The following PCSK6 variants were observed in gnomAD, a reference collection of about 807,000 sequenced individuals.
PCSK6 encodes proprotein convertase subtilisin/kexin type 6, also known as paired basic amino acid cleaving enzyme 4.
A neutral mutation model predicts 123.3 loss-of-function variants in PCSK6; 85 were observed. The ratio of observed to expected loss-of-function variants is 0.69; its 90% CI spans 0.58 to 0.83. The LOEUF is 0.83. Ranked by LOEUF, PCSK6 falls within the 40% of genes least tolerant of loss-of-function variation. PCSK6 has a pLI of 0.00. For synonymous variants in PCSK6, 508 were observed against 516.0 expected, an observed-to-expected ratio of 0.98 and a Z score of 0.21; for missense variants, 1,191 against 1,282.3, an observed-to-expected ratio of 0.93 and a Z score of 1.09.
At chr15:101,422,672 G>A (rs1308004923) in intron 6 of PCSK6, among the ~76,000 whole-genome samples, 1 of 151,428 alleles carries the variant, frequency 6.6e-6, no homozygotes, top group Non-Finnish European at 1.5e-5. Flanking sequence ...CCAGGCTGGA[G>A]TGCAGTTGGC....
At position 101,403,709 on chromosome 15, in the gene PCSK6, C is replaced by CTTTA. The variant is rs71287805; in HGVS notation, c.824-5137_824-5134dup. Reference sequence around the variant, plus strand: ...ATTTTTGGATTATTCATGCCATTGCCTTTATTTATTTATTTATTTATTTAT... The same window carrying CTTTA: ...ATTTTTGGATTATTCATGCCATTGCCTTTATTTATTTATTTATTTATTTATTTAT... On this transcript the variant is annotated intron_variant, in intron 6 of 21. Transcript: ENST00000611716. Among the ~76,000 whole-genome samples, 941 of 151,906 alleles carry CTTTA rather than the reference C, an allele frequency of 6.2e-3. 6 individuals carry two copies. Among genetic ancestry groups the CTTTA allele is most frequent in the East Asian group, 0.037 (190 of 5,164 alleles).
At chr15:101,479,109 C>T (rs1036615239) in intron 1 of PCSK6, among the ~76,000 whole-genome samples, 3 of 152,134 alleles carry the variant, frequency 2.0e-5, no homozygotes, top group South Asian at 2.1e-4. Flanking sequence ...GAGGGTCTAG[C>T]GGGGAGAGAG....
At chr15:101,346,596 G>A (rs567043827) in intron 13 of PCSK6, 5 of 387,666 alleles carry the variant, frequency 1.3e-5, no homozygotes, top group African/African-American at 1.0e-4. Context: ...TATCTATTCT[G>A]GGGCGAACCT....
intron 1 of PCSK6, among the ~76,000 whole-genome samples, 185 bp from the exon 2 acceptor site, chr15:101,443,845 C>A (rs577828573): frequency 1.3e-5 from 2 of 152,194 alleles, no homozygotes; most frequent in Non-Finnish European, 2.9e-5. Context: ...AAGGTGGATT[C>A]AGACACTCAT....
intron 6 of PCSK6, among the ~76,000 whole-genome samples, chr15:101,410,479 A>G (rs2042914156): frequency 6.6e-6 from 1 of 152,210 alleles, no homozygotes; most frequent in Non-Finnish European, 1.5e-5. Flanking sequence ...GAAAGGATGA[A>G]TAAGAAGAGG....
intron 6 of PCSK6, among the ~76,000 whole-genome samples, chr15:101,413,618 C>A (rs1468160836): frequency 6.6e-6 from 1 of 150,980 alleles, no homozygotes; most frequent in Non-Finnish European, 1.5e-5. Flanking sequence ...AAACATGGCC[C>A]ACGTTTGACA....
intron 9 of PCSK6, among the ~76,000 whole-genome samples, chr15:101,386,654 C>T (rs1022280356): frequency 1.3e-5 from 2 of 152,360 alleles, no homozygotes; most frequent in South Asian, 4.1e-4. Context: ...GGGACCTCAT[C>T]ATAATCTGTA....
At chr15:101,458,031 C>G (rs990798901) in intron 1 of PCSK6, among the ~76,000 whole-genome samples, 4 of 152,168 alleles carry the variant, frequency 2.6e-5, no homozygotes, top group Non-Finnish European at 4.4e-5. Context: ...GTACGTCCCT[C>G]CAGAGGTGGA....
chr15:101,338,475 CAGG>C (rs1481053188), intron 13 of PCSK6, among the ~76,000 whole-genome samples: 1 of 152,166 alleles, frequency 6.6e-6, no homozygotes, highest in Non-Finnish European at 1.5e-5. Flanking sequence ...CACATGGGTG[CAGG>C]AGAAGCAAGG....
intron 13 of PCSK6, among the ~76,000 whole-genome samples, chr15:101,365,280 AT>A (rs1280113211): frequency 6.6e-6 from 1 of 152,232 alleles, no homozygotes; most frequent in East Asian, 1.9e-4. Context: ...AGAAGAAAAA[AT>A]AAATTGAATT....
chr15:101,413,994 A>AACGTAT (rs1289787486), intron 6 of PCSK6, among the ~76,000 whole-genome samples: 1 of 152,214 alleles, frequency 6.6e-6, no homozygotes, highest in Admixed American at 6.5e-5. Flanking sequence ...AAGGATGGAA[A>AACGTAT]AACGTATACT....
intron 6 of PCSK6, among the ~76,000 whole-genome samples, chr15:101,414,100 C>T (rs909871142): frequency 6.6e-6 from 1 of 152,070 alleles, no homozygotes; most frequent in Non-Finnish European, 1.5e-5. Flanking sequence ...CAAAGAGACG[C>T]CCCTTGTCAG....
At chr15:101,359,284 C>A (rs1472916008) in intron 13 of PCSK6, among the ~76,000 whole-genome samples, 2 of 152,202 alleles carry the variant, frequency 1.3e-5, no homozygotes, top group Non-Finnish European at 2.9e-5. Context: ...CTGGAAGGTA[C>A]CACAAGGTGT....
At chr15:101,309,091 G>A (rs2039792990) in intron 20 of PCSK6, 1 of 152,560 alleles carries the variant, frequency 6.6e-6, no homozygotes, top group Admixed American at 6.5e-5. Flanking sequence ...CTCTAACCAG[G>A]TTGCCACACA....
intron 11 of PCSK6, among the ~76,000 whole-genome samples, chr15:101,377,185 C>A (rs533679004): frequency 1.3e-5 from 1 of 79,714 alleles, no homozygotes; most frequent in African/African-American, 3.0e-5. Context: ...GCAGATGAGA[C>A]GCCAGCAGCT....
chr15:101,474,584 C>T (rs927087943), intron 1 of PCSK6, among the ~76,000 whole-genome samples: 1 of 152,200 alleles, frequency 6.6e-6, no homozygotes, highest in Non-Finnish European at 1.5e-5. Context: ...CTTCACACAT[C>T]TGGAACTTCT....
chr15:101,332,597 G>A (rs1324480593), intron 13 of PCSK6, among the ~76,000 whole-genome samples: 1 of 152,200 alleles, frequency 6.6e-6, no homozygotes, highest in Admixed American at 6.5e-5. Flanking sequence ...GGATGTTCTG[G>A]GGGATAGCAG....
At chr15:101,355,084 T>C (rs897629939) in intron 13 of PCSK6, among the ~76,000 whole-genome samples, 10 of 152,242 alleles carry the variant, frequency 6.6e-5, no homozygotes, top group Admixed American at 5.9e-4. Flanking sequence ...CTGGAAATAA[T>C]GCTGTTGAAA....
At chr15:101,380,913 A>G (rs2041894723) in intron 11 of PCSK6, among the ~76,000 whole-genome samples, 1 of 152,194 alleles carries the variant, frequency 6.6e-6, no homozygotes, top group African/African-American at 2.4e-5. Context: ...TTATGGGAAA[A>G]ACACACTCCG....
Sources: allele counts gnomAD v4.1 joint callset (sites outside exome capture counted in the v4.1 genomes callset), GRCh38; gene constraint gnomAD v4.1.1; transcripts MANE v1.5; gene names NCBI Gene and HGNC (gene_info 2026-07-23, HGNC 2026-07-21).